SEMA6D: variants seen among roughly 807,000 people sequenced by gnomAD.
SEMA6D encodes semaphorin-6D.
SEMA6D carries 35 observed loss-of-function variants against 106.6 expected under a neutral mutation model. The ratio of observed to expected loss-of-function variants is 0.33; its 90% CI spans 0.25 to 0.44. The LOEUF is 0.44. Ranked by LOEUF, SEMA6D falls within the 20% of genes least tolerant of loss-of-function variation. The pLI is 1.00. For synonymous variants in SEMA6D, 499 were observed against 487.7 expected (o/e 1.02, Z -0.31); for missense variants, 1,185 against 1,345.9 (o/e 0.88, Z 1.87).
intron 1 of SEMA6D, among the ~76,000 whole-genome samples, chr15:47,283,568 C>T (rs10220866): frequency 0.44 from 67,633 of 152,032 alleles, 16,933 homozygotes; most frequent in Non-Finnish European, 0.57. Context: ...CCGAAGTGGC[C>T]TGAGGAACAC....
At chr15:47,675,817 C>G (rs1596599591) in intron 4 of SEMA6D, among the ~76,000 whole-genome samples, 1 of 152,288 alleles carries the variant, frequency 6.6e-6, no homozygotes, top group South Asian at 2.1e-4. Context: ...GCATCCCTAC[C>G]CCTTTCCCTG....
At chr15:47,303,345 G>A (rs367548407) in intron 1 of SEMA6D, among the ~76,000 whole-genome samples, 13 of 152,304 alleles carry the variant, frequency 8.5e-5, no homozygotes, top group African/African-American at 2.6e-4. Flanking sequence ...ATTTCTAAAG[G>A]TTTCTCATGA....
At chr15:47,554,605 A>G (rs1754420243) in intron 3 of SEMA6D, among the ~76,000 whole-genome samples, 2 of 152,116 alleles carry the variant, frequency 1.3e-5, no homozygotes, top group Admixed American at 1.3e-4. Context: ...CCATTTTGTC[A>G]TCCTGCTGCT....
intron 4 of SEMA6D, among the ~76,000 whole-genome samples, chr15:47,657,347 G>A (rs912343184): frequency 6.6e-6 from 1 of 152,062 alleles, no homozygotes; most frequent in African/African-American, 2.4e-5. Context: ...TTCTCCACGT[G>A]TATATGCTTT....
chr15:47,729,140 C>CTA (rs1176979305), intron 1 of SEMA6D, among the ~76,000 whole-genome samples: 6 of 152,198 alleles, frequency 3.9e-5, no homozygotes, highest in African/African-American at 1.4e-4. Flanking sequence ...CAATTACTCA[C>CTA]TATAAACCCT....
intron 1 of SEMA6D, among the ~76,000 whole-genome samples, chr15:47,227,931 A>AGAATCTTATATATATTTTATATATAT: frequency 7.9e-6 from 1 of 127,116 alleles, no homozygotes; most frequent in African/African-American, 2.6e-5. Context: ...TATATATATA[A>AGAATCTTATATATATTTTATATATAT]GAATCTTATA....
intron 1 of SEMA6D, among the ~76,000 whole-genome samples, chr15:47,224,904 A>C (rs2031521495): frequency 6.6e-6 from 1 of 151,762 alleles, no homozygotes; most frequent in Non-Finnish European, 1.5e-5. Context: ...TGCTCGGTGA[A>C]GACATGAGAA....
intron 1 of SEMA6D, among the ~76,000 whole-genome samples, chr15:47,369,798 A>G (rs1018378321): frequency 2.0e-5 from 3 of 152,248 alleles, no homozygotes; most frequent in South Asian, 2.1e-4. Context: ...TCTACATACA[A>G]TGAGCAGTAA....
intron 3 of SEMA6D, among the ~76,000 whole-genome samples, chr15:47,557,747 G>T (rs4775695): frequency 6.6e-6 from 1 of 152,048 alleles, no homozygotes; most frequent in Admixed American, 6.6e-5. Flanking sequence ...TTAAAGGCCA[G>T]TGAATACATT....
intron 1 of SEMA6D, among the ~76,000 whole-genome samples, chr15:47,258,414 T>A (rs182322063): frequency 3.3e-5 from 5 of 152,324 alleles, no homozygotes; most frequent in Admixed American, 3.3e-4. Context: ...ATCAGCAGAC[T>A]GAGTAAAGAA....
chr15:47,253,941 G>T (rs1188852452), intron 1 of SEMA6D, among the ~76,000 whole-genome samples: 2 of 152,074 alleles, frequency 1.3e-5, no homozygotes, highest in Non-Finnish European at 2.9e-5. Flanking sequence ...ATCACTTTGG[G>T]TAGTATGGAC....
intron 1 of SEMA6D, among the ~76,000 whole-genome samples, chr15:47,243,236 G>A (rs2033015514): frequency 6.6e-6 from 1 of 152,118 alleles, no homozygotes; most frequent in Admixed American, 6.6e-5. Context: ...GACTAGGAAA[G>A]TTCACTGTTG....
At position 47,766,681 on chromosome 15, in the gene SEMA6D, A is replaced by T. The variant is rs1343048019; in HGVS notation, c.1708+4A>T. ...GCTCATCTAGGGGACTGCCATGGTA[A>T]GACAGAATCTTCCATTCCCACCTGG... On this transcript the variant is annotated splice_donor_region_variant and intron_variant, in intron 16 of 18. Transcript: ENST00000536845. 6.3e-7 allele frequency: 1 copy of T among 1,590,712 alleles called. No individual in the cohort carries two copies. The highest frequency in any genetic ancestry group is 2.2e-5 in the East Asian group (1 of 44,644).
intron 1 of SEMA6D, among the ~76,000 whole-genome samples, chr15:47,264,052 G>A (rs1429399005): frequency 2.0e-5 from 3 of 151,728 alleles, no homozygotes; most frequent in African/African-American, 7.2e-5. Flanking sequence ...GCAGCAACAT[G>A]GATGAAGCTG....
chr15:47,441,171 G>A (rs922856478), intron 2 of SEMA6D, among the ~76,000 whole-genome samples: 2 of 151,992 alleles, frequency 1.3e-5, no homozygotes, highest in Non-Finnish European at 2.9e-5. Flanking sequence ...TTTGAACTGT[G>A]TCACCTAAAT....
intron 4 of SEMA6D, among the ~76,000 whole-genome samples, chr15:47,662,233 C>T (rs1010072060): frequency 6.6e-6 from 1 of 152,112 alleles, no homozygotes; most frequent in African/African-American, 2.4e-5. Context: ...ACCCCCCACC[C>T]CAACAAACAC....
chr15:47,209,566 G>A (rs954819057), intron 1 of SEMA6D, among the ~76,000 whole-genome samples: 4 of 152,130 alleles, frequency 2.6e-5, no homozygotes, highest in Non-Finnish European at 5.9e-5. Context: ...TCACTGCTAC[G>A]CTGTAACATA....
intron 1 of SEMA6D, among the ~76,000 whole-genome samples, chr15:47,315,117 C>G (rs545566955): frequency 8.5e-5 from 13 of 152,056 alleles, no homozygotes; most frequent in African/African-American, 3.1e-4. Context: ...CCGCCTGCCT[C>G]GGCCTCCCAA....
At chr15:47,736,507 C>T (rs2080454850) in intron 1 of SEMA6D, among the ~76,000 whole-genome samples, 1 of 152,168 alleles carries the variant, frequency 6.6e-6, no homozygotes, top group Non-Finnish European at 1.5e-5. Context: ...CACAGATTTA[C>T]TGTTTTGCTA....
Sources: allele counts gnomAD v4.1 joint callset (sites outside exome capture counted in the v4.1 genomes callset), GRCh38; gene constraint gnomAD v4.1.1; transcripts MANE v1.5; gene names NCBI Gene and HGNC (gene_info 2026-07-23, HGNC 2026-07-21).